Variants in RIN2 observed in about 807,000 individuals in gnomAD.
The protein encoded by RIN2 is RAB5 interacting protein 2.
In RIN2, 36 loss-of-function variants were observed where a neutral mutation model predicts 78.0. That is an observed-to-expected ratio of 0.46 (90% confidence interval 0.35 to 0.61). The LOEUF (loss-of-function observed/expected upper bound fraction) is 0.61. RIN2 is among the 20% of genes least tolerant of loss of function. The probability of loss-of-function intolerance (pLI) is 0.00; values close to 1 mark genes in which losing one functional copy is unlikely to be tolerated. For missense variants in RIN2, 1,087 were observed against 1,159.7 expected (o/e 0.94, Z 0.91); for synonymous variants, 466 against 466.8 (o/e 1.00, Z 0.02).
Position 19,889,817 on chromosome 20 carries a change from A to G in RIN2, c.57+159A>G, listed in dbSNP as rs573296770. On this transcript the variant is annotated intron_variant, in intron 3 of 12. Coordinates refer to ENST00000255006, the MANE Select transcript of RIN2 (RefSeq NM_018993.4). ...CAGCTGCTGATTGTTACCAGGGCTT[A>G]TAACAGGTTGCGGGGTCTGTGATTT... is the stretch of plus-strand genomic sequence containing the variant. 4.6e-5 allele frequency among the ~76,000 whole-genome samples: 7 copies of G among 152,298 alleles called. No individual in the cohort carries two copies. In the South Asian group the frequency reaches 1.4e-3, roughly 32 times the overall value.
At chr20:19,839,528 T>C (rs752497271) in intron 2 of RIN2, among the ~76,000 whole-genome samples, 1 of 152,230 alleles carries the variant, frequency 6.6e-6, no homozygotes, top group Non-Finnish European at 1.5e-5. Context: ...GGCTTAATGC[T>C]TTTCTCTACC....
intron 2 of RIN2, among the ~76,000 whole-genome samples, chr20:19,854,447 T>C (rs2037098084): frequency 6.6e-6 from 1 of 152,266 alleles, no homozygotes; most frequent in African/African-American, 2.4e-5. Context: ...GGGGATGGCA[T>C]TGAATCTATA....
intron 4 of RIN2, among the ~76,000 whole-genome samples, chr20:19,941,269 T>C (rs1410667813): frequency 3.3e-5 from 5 of 152,178 alleles, no homozygotes; most frequent in Admixed American, 1.3e-4. Context: ...AGAAGGCTCC[T>C]CCCTTGTACA....
Position 19,975,143 on chromosome 20 carries a change from G to A in RIN2, c.1118G>A (p.Gly373Asp), listed in dbSNP as rs761034199. The change falls in exon 9 of 13, where the codon GGT (glycine) becomes GAT (aspartate). Residue 373 changes from glycine to aspartate, a missense_variant. Gly to Asp is a moderately conservative substitution (Grantham distance 94). Coordinates refer to ENST00000255006, the MANE Select transcript of RIN2 (RefSeq NM_018993.4). This position sits in a 1 kb window ranked among gnomAD's most constrained non-coding sequence, Gnocchi z 4.9. ...KQASFLEAEG[G>D]AKTLSGGRPG... ...GCTTCTTTTCTGGAAGCAGAGGGCG[G>A]TGCAAAGACCTTGAGCGGCGGCCGG... The A allele has an allele frequency of 6.2e-6, 10 of 1,613,054 alleles. No individual in the cohort carries two copies. The Admixed American group carries it at 8.3e-5, about 13-fold the overall frequency.
chr20:19,866,619 AT>A (rs1238860689), intron 2 of RIN2, among the ~76,000 whole-genome samples: 2 of 149,178 alleles, frequency 1.3e-5, no homozygotes, highest in African/African-American at 2.4e-5. Flanking sequence ...AATTTTGGAT[AT>A]TTTATTTTAT....
chr20:19,808,956 C>G (rs1055794545), intron 2 of RIN2, among the ~76,000 whole-genome samples: 1 of 152,180 alleles, frequency 6.6e-6, no homozygotes, highest in African/African-American at 2.4e-5. Flanking sequence ...AAGGCCAGAG[C>G]CAGGATGCAG....
intron 2 of RIN2, among the ~76,000 whole-genome samples, chr20:19,806,189 ATG>A (rs1169964210): frequency 6.6e-6 from 1 of 152,186 alleles, no homozygotes; most frequent in East Asian, 1.9e-4. Flanking sequence ...GTGAGTGTGC[ATG>A]TGTCTTTATG....
intron 2 of RIN2, among the ~76,000 whole-genome samples, chr20:19,801,477 C>T (rs2035240834): frequency 6.6e-6 from 1 of 152,046 alleles, no homozygotes; most frequent in Admixed American, 6.6e-5. Flanking sequence ...CCCACCACCA[C>T]GCCCGGCTAA....
At chr20:19,863,498 T>A (rs1221405971) in intron 2 of RIN2, among the ~76,000 whole-genome samples, 1 of 152,102 alleles carries the variant, frequency 6.6e-6, no homozygotes, top group Non-Finnish European at 1.5e-5. Context: ...GTACCCCAGC[T>A]CCCTCACCCC....
At chr20:19,919,158 G>A (rs1234244677) in intron 3 of RIN2, among the ~76,000 whole-genome samples, 1 of 152,226 alleles carries the variant, frequency 6.6e-6, no homozygotes, top group Non-Finnish European at 1.5e-5. Context: ...GATGACAGAT[G>A]CCGTGCGAGA....
chr20:19,918,288 G>T (rs939742072), intron 3 of RIN2, among the ~76,000 whole-genome samples: 1 of 151,850 alleles, frequency 6.6e-6, no homozygotes, highest in Non-Finnish European at 1.5e-5. Context: ...TAGCTTAGAT[G>T]GATAGCTGTA....
chr20:19,955,125 C>G (rs1182035307), intron 4 of RIN2, among the ~76,000 whole-genome samples: 2 of 152,098 alleles, frequency 1.3e-5, no homozygotes, highest in African/African-American at 4.8e-5. Context: ...TTCTCTCCCC[C>G]ATTCTCTGGA....
chr20:19,975,725 A>G lies in RIN2; in HGVS notation c.1700A>G (p.Tyr567Cys), dbSNP rs2042259214. Residue 567 changes from tyrosine to cysteine, a missense_variant, in exon 9 of 13, where the codon TAT becomes TGT. Physicochemically the swap from Tyr to Cys is radical, Grantham distance 194. This residue lies in a region of RIN2 where 39 missense variants were observed against 34.9 expected (regional missense o/e 1.12). Transcript: ENST00000255006. The surrounding 1 kb of genome is among the most constrained non-coding windows in gnomAD (Gnocchi z 4.9). The part of the protein sequence containing the change: ...IRQFMTQVKN[Y>C]LSQSSELDPP... ...CAGTTCATGACCCAGGTCAAGAACT[A>G]TTTGTCTCAGAGCTCGGAGCTGGAC... 1.2e-6 allele frequency: 2 copies of G among 1,613,444 alleles called. No homozygotes were observed. The highest frequency in any genetic ancestry group is 1.7e-6 in the Non-Finnish European group (2 of 1,179,810).
chr20:19,791,802 A>G (rs1235301086), intron 1 of RIN2, among the ~76,000 whole-genome samples: 2 of 152,202 alleles, frequency 1.3e-5, no homozygotes, highest in Non-Finnish European at 2.9e-5. Flanking sequence ...CAAACTCAGC[A>G]CTGGGGTTGT....
chr20:19,899,533 A>G (rs1425441994), intron 3 of RIN2, among the ~76,000 whole-genome samples: 1 of 152,218 alleles, frequency 6.6e-6, no homozygotes, highest in African/African-American at 2.4e-5. Context: ...TGGGTCAGAG[A>G]TCTAAACGCA....
chr20:19,953,525 C>T (rs6046481), intron 4 of RIN2, among the ~76,000 whole-genome samples: 359 of 152,034 alleles, frequency 2.4e-3, no homozygotes, highest in African/African-American at 8.4e-3. Flanking sequence ...CTGCAACCTC[C>T]GCCTCCCCAA....
chr20:19,911,783 G>A (rs540613542), intron 3 of RIN2, among the ~76,000 whole-genome samples: 2 of 152,110 alleles, frequency 1.3e-5, no homozygotes, highest in South Asian at 2.1e-4. Context: ...AAGTGCTCAC[G>A]TCAATATCCA....
chr20:19,919,371 A>T (rs1430729396), intron 3 of RIN2, among the ~76,000 whole-genome samples: 1 of 152,202 alleles, frequency 6.6e-6, no homozygotes, highest in Non-Finnish European at 1.5e-5. Context: ...ATGAAGACAT[A>T]AGTCAGCACA....
chr20:19,872,106 G>A (rs2037707851), intron 2 of RIN2: 1 of 152,078 alleles, frequency 6.6e-6, no homozygotes, highest in Non-Finnish European at 1.5e-5. Flanking sequence ...GTAACTGAGT[G>A]CTCACGAGAT....
Sources: gnomAD v4.1 joint callset for allele counts (sites outside exome capture counted in the v4.1 genomes callset) on GRCh38, gnomAD v4.1.1 for gene constraint, gnomAD v4.1.1 regional missense constraint, Gnocchi (gnomAD v3.1) non-coding constraint, MANE v1.5 for transcripts, NCBI Gene and HGNC (gene_info 2026-07-23, HGNC 2026-07-21) for gene names.